The following MAML2 variants were observed in gnomAD, a reference collection of about 807,000 sequenced individuals.
MAML2 encodes the protein mastermind-like protein 2.
MAML2 carries 22 observed loss-of-function variants against 96.1 expected under a neutral mutation model. The ratio of observed to expected loss-of-function variants is 0.23; its 90% CI spans 0.16 to 0.33. The LOEUF (loss-of-function observed/expected upper bound fraction) is 0.33. Among genes scored for constraint, MAML2 ranks in the 10% least tolerant of loss-of-function variants. The pLI is 1.00. For missense variants in MAML2, 1,367 were observed against 1,392.4 expected (o/e 0.98, Z 0.29); for synonymous variants, 561 against 521.3 (o/e 1.08, Z -1.04).
chr11:96,275,763 A>ATCCTACAAATCAATAAAAATATTTCCTTT (rs1862980665), intron 1 of MAML2, among the ~76,000 whole-genome samples: 3 of 152,170 alleles, frequency 2.0e-5, no homozygotes, highest in Admixed American at 2.0e-4. Context: ...ATATTTCCTT[A>ATCCTACAAATCAATAAAAATATTTCCTTT]TCCTACAAAT....
intron 1 of MAML2, among the ~76,000 whole-genome samples, chr11:96,257,738 T>C (rs1591100240): frequency 6.6e-6 from 1 of 152,192 alleles, no homozygotes; most frequent in East Asian, 1.9e-4. Context: ...TGCTCACCAG[T>C]GCTGCCCATT....
At chr11:96,054,703 T>A (rs986512860) in intron 2 of MAML2, among the ~76,000 whole-genome samples, 11 of 152,194 alleles carry the variant, frequency 7.2e-5, no homozygotes, top group African/African-American at 2.4e-4. Context: ...TTTTGTTATA[T>A]TACTTCTGGT....
At chr11:96,208,981 G>A (rs1861930980) in intron 1 of MAML2, among the ~76,000 whole-genome samples, 1 of 152,106 alleles carries the variant, frequency 6.6e-6, no homozygotes, top group Non-Finnish European at 1.5e-5. Context: ...TCAAAATGTG[G>A]TCCAGAAGAC....
At position 96,283,574 on chromosome 11, in the gene MAML2, A is replaced by C. The variant is rs186817565; in HGVS notation, c.513+57809T>G. On this transcript the variant is annotated intron_variant, in intron 1 of 4. Transcript: ENST00000524717. ...CTTAGTTGAAGTATCTAACTGGAGAAATCTTTAAACATGTGAGAAATGTAT... is the reference window on the plus strand; with the variant it reads ...CTTAGTTGAAGTATCTAACTGGAGACATCTTTAAACATGTGAGAAATGTAT... 1.9e-3 allele frequency among the ~76,000 whole-genome samples: 283 copies of C among 152,326 alleles called. 3 individuals carry two copies. Among genetic ancestry groups the C allele is most frequent in the Admixed American group, 5.8e-3 (89 of 15,302 alleles).
chr11:96,161,169 G>A (rs956092478), intron 1 of MAML2, among the ~76,000 whole-genome samples: 4 of 152,150 alleles, frequency 2.6e-5, no homozygotes, highest in African/African-American at 4.8e-5. Flanking sequence ...CCTGAGGACC[G>A]CTCTCTGAGA....
chr11:96,066,613 T>C (rs546804492), intron 2 of MAML2, among the ~76,000 whole-genome samples: 46 of 152,268 alleles, frequency 3.0e-4, no homozygotes, highest in Admixed American at 9.8e-4. Context: ...TAGGAATGAA[T>C]TATAATAAAG....
In MAML2 at chr11:96,093,529, A is replaced by C. The variant is rs187841217; in HGVS notation, c.514-12T>G. On this transcript the variant is annotated splice_polypyrimidine_tract_variant and intron_variant, in intron 1 of 4. Coordinates refer to ENST00000524717, the MANE Select transcript of MAML2 (RefSeq NM_032427.4). Reference sequence around the variant, plus strand: ...AAGGAACCCTGGAGCTGAAAGACAGAAGGGAATAAAAAGGAAAAATAAGAA... The same window carrying C: ...AAGGAACCCTGGAGCTGAAAGACAGCAGGGAATAAAAAGGAAAAATAAGAA... 6.5e-7 allele frequency: 1 copy of C among 1,537,410 alleles called. No homozygotes were observed. Among genetic ancestry groups the C allele is most frequent in the African/African-American group, 1.4e-5 (1 of 72,054 alleles).
At chr11:96,202,639 T>C (rs547135562) in intron 1 of MAML2, among the ~76,000 whole-genome samples, 1 of 152,086 alleles carries the variant, frequency 6.6e-6, no homozygotes, top group Non-Finnish European at 1.5e-5. Context: ...ATTTTTTTTT[T>C]TTTTTGAAAC....
intron 1 of MAML2, among the ~76,000 whole-genome samples, chr11:96,127,862 T>C (rs942025206): frequency 1.2e-4 from 19 of 152,180 alleles, no homozygotes; most frequent in African/African-American, 2.9e-4. Context: ...ACTGTTTCCA[T>C]TGGAAACGTC....
At position 96,093,481 on chromosome 11, in the gene MAML2, G is replaced by T; in HGVS notation, c.550C>A (p.Leu184Ile). ...GGTCGCTTGCTGTTGGCAGGAGATA[G>T]GTTAACTACCTGTTTTCTTTTCAAG... ...GSLKRKQVVNLSPANSKRPNG... is the reference protein window; with the variant it reads ...GSLKRKQVVNISPANSKRPNG... Residue 184 changes from leucine to isoleucine, a missense_variant, in exon 2 of 5, where the codon CTA becomes ATA. Coordinates refer to ENST00000524717, the MANE Select transcript of MAML2 (RefSeq NM_032427.4). The T allele has an allele frequency of 6.2e-7, 1 of 1,612,516 alleles. No individual in the cohort carries two copies. Among genetic ancestry groups the T allele is most frequent in the Middle Eastern group, 1.7e-4 (1 of 6,058 alleles).
intron 2 of MAML2, among the ~76,000 whole-genome samples, chr11:95,998,882 T>C (rs1382184418): frequency 6.6e-6 from 1 of 152,210 alleles, no homozygotes; most frequent in African/African-American, 2.4e-5. Flanking sequence ...TGGTTTAATA[T>C]CTTGCCTATG....
At chr11:96,025,404 G>C (rs781618754) in intron 2 of MAML2, among the ~76,000 whole-genome samples, 3 of 152,036 alleles carry the variant, frequency 2.0e-5, no homozygotes, top group African/African-American at 7.3e-5. Context: ...ACTGGGGGAG[G>C]GGGGAGGTGG....
chr11:96,084,072 T>A (rs546372338), intron 2 of MAML2, among the ~76,000 whole-genome samples: 3 of 152,144 alleles, frequency 2.0e-5, no homozygotes, highest in Non-Finnish European at 4.4e-5. Context: ...AGAGAAAGCA[T>A]GACACTTCTC....
rs1857686513 is a variant in MAML2 at position 95,978,758 on chromosome 11, T to C, written c.*190A>G. On this transcript the variant is annotated 3_prime_UTR_variant, in exon 5 of 5. Coordinates refer to ENST00000524717, the MANE Select transcript of MAML2 (RefSeq NM_032427.4). Reference sequence around the variant, plus strand: ...GGAAAAGTGATCCCAATATTTTACTTTCAGGTGTAAGATTTAAAACAAGAA... The same window carrying C: ...GGAAAAGTGATCCCAATATTTTACTCTCAGGTGTAAGATTTAAAACAAGAA... 1 of 581,610 alleles carries C rather than the reference T, an allele frequency of 1.7e-6. No homozygotes were observed. Among genetic ancestry groups the C allele is most frequent in the Non-Finnish European group, 3.0e-6 (1 of 337,986 alleles). The allele number at this position is 581,610 out of a possible 1,614,324, so 36.0% of individuals were successfully genotyped here. A position where few individuals can be genotyped will look rare whatever the true frequency, so the allele number is the denominator to read the frequency against.
At chr11:96,036,037 A>C (rs927021816) in intron 2 of MAML2, among the ~76,000 whole-genome samples, 2 of 152,238 alleles carry the variant, frequency 1.3e-5, no homozygotes, top group Non-Finnish European at 2.9e-5. Context: ...ATAACTGAAT[A>C]AAATAATGCA....
chr11:95,984,630 A>C (rs1265818195), intron 4 of MAML2, among the ~76,000 whole-genome samples: 1 of 152,176 alleles, frequency 6.6e-6, no homozygotes, highest in Non-Finnish European at 1.5e-5. Flanking sequence ...GTTGTATTTG[A>C]GGGGGTTTAA....
chr11:96,068,614 G>A (rs1013756256), intron 2 of MAML2, among the ~76,000 whole-genome samples: 1 of 152,048 alleles, frequency 6.6e-6, no homozygotes, highest in Non-Finnish European at 1.5e-5. Context: ...GGATCATGAG[G>A]TCAGGAGATC....
In MAML2 at chr11:96,194,078, G is replaced by A. The variant is rs77267730; in HGVS notation, c.514-100561C>T. Among the ~76,000 whole-genome samples the A allele has an allele frequency of 8.8e-3, 1,338 of 152,264 alleles. 21 individuals carry two copies. The highest frequency in any genetic ancestry group is 0.03 in the African/African-American group (1,237 of 41,552). ...TAGGCCTATCCGTCAAATGGTAAAC[G>A]ATCTAGAACTGGCCTCAAAATAAGA... On this transcript the variant is annotated intron_variant, in intron 1 of 4. Transcript: ENST00000524717.
At chr11:96,170,523 A>T (rs1295682723) in intron 1 of MAML2, among the ~76,000 whole-genome samples, 2 of 152,230 alleles carry the variant, frequency 1.3e-5, no homozygotes, top group African/African-American at 4.8e-5. Flanking sequence ...AACCTCGATT[A>T]TTCCTTGAAC....
Sources: gnomAD v4.1 joint callset for allele counts (sites outside exome capture counted in the v4.1 genomes callset) on GRCh38, gnomAD v4.1.1 for gene constraint, MANE v1.5 for transcripts, NCBI Gene and HGNC (gene_info 2026-07-23, HGNC 2026-07-21) for gene names.